Variants in CDK12 observed in about 807,000 individuals in gnomAD.
CDK12 encodes the protein cyclin-dependent kinase 12.
A neutral mutation model predicts 133.8 loss-of-function variants in CDK12; 17 were observed. The observed-to-expected ratio is 0.13, with a 90% CI of 0.09 to 0.19. The LOEUF (loss-of-function observed/expected upper bound fraction) is 0.19, where lower values mean the gene tolerates loss of function less well. Among genes scored for constraint, CDK12 ranks in the 10% least tolerant of loss-of-function variants. The pLI is 1.00. For missense variants in CDK12, 1,508 were observed against 1,818.7 expected, an observed-to-expected ratio of 0.83 and a Z score of 3.11; for synonymous variants, 694 against 683.6, an observed-to-expected ratio of 1.02 and a Z score of -0.24.
rs192589046 is a variant in CDK12 at position 39,517,590 on chromosome 17, T to C, written c.2963+34T>C. On this transcript the variant is annotated intron_variant, in intron 10 of 13. Coordinates refer to ENST00000447079, the MANE Select transcript of CDK12 (RefSeq NM_016507.4). ...GGGGAAAATGAACATCTCGTTTCTG[T>C]GTCTGGCTGGTGTTGGGACTTGGCT... 10 of 1,325,982 alleles carry C rather than the reference T, an allele frequency of 7.5e-6. No individual in the cohort carries two copies. In the African/African-American group the frequency reaches 1.4e-4, roughly 19 times the overall value. 82.1% of individuals were successfully genotyped at this position (1,325,982 alleles called of 1,614,324 possible). A position where few individuals can be genotyped will look rare whatever the true frequency, so the allele number is the denominator to read the frequency against.
intron 5 of CDK12, among the ~76,000 whole-genome samples, chr17:39,498,714 GGA>G (rs1321283568): frequency 6.6e-6 from 1 of 151,678 alleles, no homozygotes; most frequent in African/African-American, 2.4e-5. Context: ...ATTTTTTTGT[GGA>G]GATGGTGTCT....
At chr17:39,469,504 G>A (rs2049616865) in intron 1 of CDK12, among the ~76,000 whole-genome samples, 1 of 152,104 alleles carries the variant, frequency 6.6e-6, no homozygotes, top group African/African-American at 2.4e-5. Flanking sequence ...AACTGAGGAT[G>A]CAAGGAACAA....
chr17:39,483,866 C>T (rs1457622915), intron 2 of CDK12, among the ~76,000 whole-genome samples: 1 of 151,084 alleles, frequency 6.6e-6, no homozygotes, highest in Non-Finnish European at 1.5e-5. Context: ...TTGTTTGAGA[C>T]AGGATCTTGC....
Position 39,470,945 on chromosome 17 carries a change from A to G in CDK12, c.1113A>G (p.Lys371=). ...AYSRHSSSHS[K]KKRSSSRSRH... ...CAAGACATTCATCTTCTCATAGTAA[A>G]AAGAAGAGATCCAGTTCACGCAGTC... Residue 371 remains lysine, a synonymous_variant, in exon 2 of 14, where the codon AAA becomes AAG. Coordinates refer to ENST00000447079, the MANE Select transcript of CDK12 (RefSeq NM_016507.4). The G allele has an allele frequency of 6.2e-7, 1 of 1,613,572 alleles. No individual in the cohort carries two copies. The highest frequency in any genetic ancestry group is 8.5e-7 in the Non-Finnish European group (1 of 1,179,698).
Position 39,533,736 on chromosome 17 carries a change from T to G in CDK12, c.*2420T>G. 4.3e-6 allele frequency: 1 copy of G among 232,900 alleles called. No homozygotes were observed. The highest frequency in any genetic ancestry group is 8.5e-6 in the Non-Finnish European group (1 of 117,764). 14.4% of individuals were successfully genotyped at this position (232,900 alleles called of 1,614,324 possible). A position where few individuals can be genotyped will look rare whatever the true frequency, so the allele number is the denominator to read the frequency against. On this transcript the variant is annotated 3_prime_UTR_variant, in exon 14 of 14. Transcript: ENST00000447079. ...TCCCATCTCACCCCCACCCCCATTT[T>G]GGGAGTCTTTTAAAATGAAAACAAA...
At position 39,476,711 on chromosome 17, in the gene CDK12, CTTTTTTTTTT is replaced by C. The variant is rs879840168; in HGVS notation, c.1931+4968_1931+4977del. On this transcript the variant is annotated intron_variant, in intron 2 of 13. Coordinates refer to ENST00000447079, the MANE Select transcript of CDK12 (RefSeq NM_016507.4). ...TACAGGCATGAGCCACCATGCCTGCCTTTTTTTTTTTTTTTTTTTTTTTTTTTTTGAGACA... is the reference window on the plus strand; with the variant it reads ...TACAGGCATGAGCCACCATGCCTGCCTTTTTTTTTTTTTTTTTTTGAGACA... 1.7e-3 allele frequency among the ~76,000 whole-genome samples: 141 copies of C among 84,534 alleles called. 13 individuals carry two copies. The East Asian group carries it at 0.044, about 26-fold the overall frequency. The allele number at this position is 84,534 out of a possible 152,430, so 55.5% of individuals were successfully genotyped here.
In CDK12 at chr17:39,462,373, G is replaced by A. The variant is rs2144865617; in HGVS notation, c.302G>A (p.Gly101Glu). ...LDRRENDERR[G>E]SDRSDRLHKH... ...CGAAGGGAGAACGACGAACGTCGTG[G>A]ATCAGATCGGAGCGACCGCCTGCAC... Residue 101 changes from glycine (G) to glutamate (E), a missense_variant, in exon 1 of 14, where the codon GGA (glycine) becomes GAA (glutamate). By Grantham distance (98) the Gly-to-Glu change is moderately conservative. This residue lies in a region of CDK12 where 460 missense variants were observed against 490.8 expected (regional missense o/e 0.94). Transcript: ENST00000447079. 2 of 1,614,174 alleles carry A rather than the reference G, an allele frequency of 1.2e-6. No homozygotes were observed. Among genetic ancestry groups the A allele is most frequent in the Non-Finnish European group, 1.7e-6 (2 of 1,180,028 alleles).
rs766008826 is a variant in CDK12, at chr17:39,526,260, A to G, written c.3704A>G (p.Asn1235Ser). 8 of 1,608,642 alleles carry G rather than the reference A, an allele frequency of 5.0e-6. No individual in the cohort carries two copies. In the South Asian group the frequency reaches 7.8e-5, roughly 16 times the overall value. The change falls in exon 13 of 14, where the codon AAC becomes AGC. Residue 1235 changes from asparagine to serine, a missense_variant. Physicochemically the swap from Asn to Ser is conservative, Grantham distance 46. Around this residue, in one of 9 missense-constraint regions of CDK12, gnomAD observed 399 missense variants for 469.6 expected, o/e 0.85. Transcript: ENST00000447079. ...GSLEENNSDK[N>S]SGPQGPRRTP... Reference sequence around the variant, plus strand: ...CTGGAGGAAAACAACAGTGACAAGAACAGTGGGCCACAGGGGCCCCGAAGA... The same window carrying G: ...CTGGAGGAAAACAACAGTGACAAGAGCAGTGGGCCACAGGGGCCCCGAAGA...
At chr17:39,563,955 G>A (rs539421297) in intron 3 of CDK12, among the ~76,000 whole-genome samples, 2 of 152,340 alleles carry the variant, frequency 1.3e-5, no homozygotes, top group Non-Finnish European at 2.9e-5. Context: ...CTTGATGACG[G>A]TGGACTTGAG....
At chr17:39,491,039 T>A (rs2051553128) in intron 3 of CDK12, among the ~76,000 whole-genome samples, 1 of 152,196 alleles carries the variant, frequency 6.6e-6, no homozygotes, top group Admixed American at 6.5e-5. Context: ...GAATAAAAGC[T>A]TTTTAAATTC....
chr17:39,466,072 C>T (rs189674752), intron 1 of CDK12, among the ~76,000 whole-genome samples: 202 of 151,740 alleles, frequency 1.3e-3, no homozygotes, highest in African/African-American at 4.8e-3. Flanking sequence ...CTTTGGGAGG[C>T]CAAGGCGGGC....
chr17:39,476,971 T>C (rs2050261866), intron 2 of CDK12, among the ~76,000 whole-genome samples: 1 of 151,318 alleles, frequency 6.6e-6, no homozygotes, highest in South Asian at 2.1e-4. Context: ...GCCTCGGGCT[T>C]CCAACGTGCT....
chr17:39,540,371 G>C (rs2055351404), intron 1 of CDK12, among the ~76,000 whole-genome samples: 2 of 152,136 alleles, frequency 1.3e-5, no homozygotes, highest in Admixed American at 6.5e-5. Context: ...AGTCTAGGAG[G>C]GGGCACTGCC....
At chr17:39,559,932 AG>A (rs2056315340) in intron 3 of CDK12, among the ~76,000 whole-genome samples, 1 of 152,048 alleles carries the variant, frequency 6.6e-6, no homozygotes, top group African/African-American at 2.4e-5. Flanking sequence ...CTGAGACTAC[AG>A]GTGCCTGCCA....
intron 2 of CDK12, among the ~76,000 whole-genome samples, chr17:39,488,495 T>TA (rs2145768673): frequency 6.6e-6 from 1 of 152,284 alleles, no homozygotes; most frequent in African/African-American, 2.4e-5. Flanking sequence ...AGTTTTGACT[T>TA]ACAACTTAGC....
intron 5 of CDK12, among the ~76,000 whole-genome samples, chr17:39,499,210 T>TCTTTCTTTCTTTCTTTCTTTC (rs1212723717): frequency 1.1e-5 from 1 of 89,844 alleles, no homozygotes; most frequent in Non-Finnish European, 2.1e-5. Context: ...TTTCTTTCCT[T>TCTTTCTTTCTTTCTTTCTTTC]TTTTTTTTTT....
At chr17:39,476,200 C>G (rs2050178172) in intron 2 of CDK12, among the ~76,000 whole-genome samples, 2 of 151,514 alleles carry the variant, frequency 1.3e-5, no homozygotes, top group African/African-American at 4.9e-5. Flanking sequence ...CTGCAACTTC[C>G]CAGGGTTCAA....
chr17:39,472,914 A>T (rs2049906160), intron 2 of CDK12, among the ~76,000 whole-genome samples: 1 of 151,838 alleles, frequency 6.6e-6, no homozygotes, highest in African/African-American at 2.4e-5. Flanking sequence ...GCCTCTACTA[A>T]AGATTTAAAA....
At position 39,462,519 on chromosome 17, in the gene CDK12, A is replaced by C; in HGVS notation, c.448A>C (p.Ser150Arg). Residue 150 changes from serine (S) to arginine (R), a missense_variant, in exon 1 of 14, where the codon AGT (serine) becomes CGT (arginine). Physicochemically the swap from Ser to Arg is moderately radical, Grantham distance 110. This residue lies in a region of CDK12 where 460 missense variants were observed against 490.8 expected (regional missense o/e 0.94). Transcript: ENST00000447079. ...SGSMKDRISG[S>R]SKRSNEETDD... is the part of the protein sequence containing the mutation. ...ATCGATGAAGGACCGGATATCGGGA[A>C]GTTCAAAGCGTTCGAATGAGGAGAC... 1 of 1,614,146 alleles carries C rather than the reference A, an allele frequency of 6.2e-7. No individual in the cohort carries two copies. The highest frequency in any genetic ancestry group is 1.3e-5 in the African/African-American group (1 of 75,054).
Sources: gnomAD v4.1 joint callset for allele counts (sites outside exome capture counted in the v4.1 genomes callset) on GRCh38, gnomAD v4.1.1 for gene constraint, gnomAD v4.1.1 regional missense constraint, MANE v1.5 for transcripts, NCBI Gene and HGNC (gene_info 2026-07-23, HGNC 2026-07-21) for gene names.